The following KLHL1 variants were observed in gnomAD, a reference collection of about 807,000 sequenced individuals.
The protein encoded by KLHL1 is kelch-like protein 1.
A neutral mutation model predicts 77.7 loss-of-function variants in KLHL1; 47 were observed. The ratio of observed to expected loss-of-function variants is 0.60; its 90% CI spans 0.48 to 0.77. The LOEUF (loss-of-function observed/expected upper bound fraction) is 0.77, where lower values mean the gene tolerates loss of function less well. Among genes scored for constraint, KLHL1 ranks in the 30% least tolerant of loss-of-function variants. The pLI is 0.00. For synonymous variants in KLHL1, 360 were observed against 325.2 expected (o/e 1.11, Z -1.15); for missense variants, 925 against 910.8 (o/e 1.02, Z -0.20).
chr13:69,729,600 G>A (rs1386209353), intron 8 of KLHL1, among the ~76,000 whole-genome samples: 3 of 152,164 alleles, frequency 2.0e-5, no homozygotes, highest in East Asian at 3.9e-4. Flanking sequence ...TCTGCTATGG[G>A]TCTGAAGTAA....
intron 1 of KLHL1, among the ~76,000 whole-genome samples, chr13:69,976,923 C>T (rs4448818): frequency 6.6e-6 from 1 of 151,964 alleles, no homozygotes; most frequent in Admixed American, 6.6e-5. Flanking sequence ...AAGGTATTTA[C>T]TAGTTATTAA....
At chr13:69,984,634 T>C (rs1322308083) in intron 1 of KLHL1, among the ~76,000 whole-genome samples, 1 of 152,128 alleles carries the variant, frequency 6.6e-6, no homozygotes, top group African/African-American at 2.4e-5. Context: ...GAAAACCCAC[T>C]TGGGCACTCC....
chr13:69,730,267 ATGTGTGTGTGTG>A (rs56271435), intron 8 of KLHL1, among the ~76,000 whole-genome samples: 9 of 143,826 alleles, frequency 6.3e-5, no homozygotes, highest in African/African-American at 1.7e-4. Context: ...TAACACTTTA[ATGTGTGTGTGTG>A]TGTGTGTGTG....
At chr13:69,709,310 T>C (rs2137876686) in intron 9 of KLHL1, among the ~76,000 whole-genome samples, 1 of 152,144 alleles carries the variant, frequency 6.6e-6, no homozygotes, top group Non-Finnish European at 1.5e-5. Context: ...CATTTTGAAA[T>C]ATGCAAAGAT....
At chr13:69,786,067 C>T (rs1050376989) in intron 7 of KLHL1, among the ~76,000 whole-genome samples, 3 of 152,168 alleles carry the variant, frequency 2.0e-5, no homozygotes, top group African/African-American at 7.2e-5. Context: ...CAGCCGAATT[C>T]TACCAGAGGT....
chr13:70,007,395 A>G (rs1284982956), intron 1 of KLHL1, among the ~76,000 whole-genome samples: 1 of 151,806 alleles, frequency 6.6e-6, no homozygotes, highest in African/African-American at 2.4e-5. Context: ...GATACACATT[A>G]TTATGTGCCA....
chr13:69,759,076 G>C (rs776842740), intron 7 of KLHL1, among the ~76,000 whole-genome samples: 1 of 151,920 alleles, frequency 6.6e-6, no homozygotes, highest in African/African-American at 2.4e-5. Context: ...GTAGAACTCA[G>C]GAAAGAGAAC....
In KLHL1 at chr13:69,882,463, CT is replaced by C. The variant is rs1297606799; in HGVS notation, c.1046del (p.Glu349GlyfsTer31). ...GCTCCTCAGCTGGAAGGAGTAAAAA[CT>C]CTTGATTTCTGATAACTTCCATTAT... ...ENIMEVIRNQEFLLLPAEELH... is the reference protein window; with the variant it reads ...ENIMEVIRNQXFLLLPAEELH... On this transcript the variant is annotated frameshift_variant, in exon 5 of 11. Coordinates refer to ENST00000377844, the MANE Select transcript of KLHL1 (RefSeq NM_020866.3). LOFTEE classifies it high-confidence loss of function. 6.2e-7 allele frequency: 1 copy of C among 1,613,434 alleles called. No individual in the cohort carries two copies. The highest frequency in any genetic ancestry group is 1.7e-5 in the Admixed American group (1 of 59,994).
Position 69,961,456 on chromosome 13 carries a change from A to T in KLHL1, c.681-12T>A, listed in dbSNP as rs374958269. On this transcript the variant is annotated splice_polypyrimidine_tract_variant and intron_variant, in intron 2 of 10. Coordinates refer to ENST00000377844, the MANE Select transcript of KLHL1 (RefSeq NM_020866.3). ...AACTCAGAACAAGCCTGAAAGAGTC[A>T]CAGGTTCTAATTTAGGTCGTGAATG... The T allele has an allele frequency of 2.5e-6, 4 of 1,612,320 alleles. No individual in the cohort carries two copies. Among genetic ancestry groups the T allele is most frequent in the Non-Finnish European group, 3.4e-6 (4 of 1,178,990 alleles).
intron 1 of KLHL1, among the ~76,000 whole-genome samples, chr13:70,009,676 G>T (rs1885484611): frequency 6.6e-6 from 1 of 152,120 alleles, no homozygotes; most frequent in South Asian, 2.1e-4. Flanking sequence ...CTGTCTCCAT[G>T]TGAGCTTCAA....
At chr13:69,936,656 AT>A (rs958196364) in intron 4 of KLHL1, among the ~76,000 whole-genome samples, 17 of 151,978 alleles carry the variant, frequency 1.1e-4, no homozygotes, top group African/African-American at 2.7e-4. Flanking sequence ...CATGTTTTGA[AT>A]TTTTTTTAAT....
At chr13:69,981,687 C>G (rs930897806) in intron 1 of KLHL1, among the ~76,000 whole-genome samples, 1 of 151,428 alleles carries the variant, frequency 6.6e-6, no homozygotes, top group Non-Finnish European at 1.5e-5. Flanking sequence ...TTGTTATTTT[C>G]TACCTTTTAA....
At chr13:69,740,245 C>T (rs574199910) in intron 8 of KLHL1, 149 bp downstream of exon 8, 3 of 563,266 alleles carry the variant, frequency 5.3e-6, no homozygotes, top group South Asian at 3.3e-5. Context: ...ATAGAGAGAG[C>T]ACCAGTCTTT....
intron 4 of KLHL1, among the ~76,000 whole-genome samples, chr13:69,937,314 A>G (rs142013340): frequency 1.5e-3 from 221 of 152,320 alleles, no homozygotes; most frequent in Non-Finnish European, 2.0e-3. Context: ...GAAACACTTA[A>G]AGACCACTGC....
At chr13:69,828,714 G>A (rs1878641841) in intron 6 of KLHL1, among the ~76,000 whole-genome samples, 1 of 150,156 alleles carries the variant, frequency 6.7e-6, no homozygotes, top group African/African-American at 2.5e-5. Flanking sequence ...GGCTGATGCT[G>A]GGACAAGGTG....
intron 4 of KLHL1, among the ~76,000 whole-genome samples, chr13:69,929,395 A>G (rs1394110897): frequency 6.6e-6 from 1 of 151,994 alleles, no homozygotes; most frequent in Non-Finnish European, 1.5e-5. Context: ...AGGTAAAAAT[A>G]AGACTGTTGG....
chr13:69,926,455 A>G lies in KLHL1; in HGVS notation c.1014+13585T>C, dbSNP rs893287758. On this transcript the variant is annotated intron_variant, in intron 4 of 10. Transcript: ENST00000377844. ...GAGTATCTATAAAATAAGAACCTCG[A>G]TTTCCTCATAAAACATCTCATGTCC... Among the ~76,000 whole-genome samples, 8 of 152,292 alleles carry G rather than the reference A, an allele frequency of 5.3e-5. No individual in the cohort carries two copies. The East Asian group carries it at 1.4e-3, about 26-fold the overall frequency.
intron 5 of KLHL1, among the ~76,000 whole-genome samples, chr13:69,871,571 C>G (rs1229024016): frequency 6.6e-6 from 1 of 152,086 alleles, no homozygotes; most frequent in Non-Finnish European, 1.5e-5. Context: ...TTTAGTCATT[C>G]CTTGGCTGCT....
intron 4 of KLHL1, among the ~76,000 whole-genome samples, chr13:69,901,496 ACT>A (rs774434996): frequency 2.0e-5 from 3 of 152,292 alleles, no homozygotes; most frequent in Non-Finnish European, 4.4e-5. Flanking sequence ...GACAATGATG[ACT>A]CTGGTCAGGG....
Sources: gnomAD v4.1 joint callset for allele counts (sites outside exome capture counted in the v4.1 genomes callset) on GRCh38, gnomAD v4.1.1 for gene constraint, MANE v1.5 for transcripts, NCBI Gene and HGNC (gene_info 2026-07-23, HGNC 2026-07-21) for gene names.